The following KRT25 variants were observed in gnomAD, a reference collection of about 807,000 sequenced individuals.
KRT25 encodes keratin, type I cytoskeletal 25.
KRT25 carries 37 observed loss-of-function variants against 47.6 expected under a neutral mutation model. The observed-to-expected ratio is 0.78, with a 90% CI of 0.60 to 1.02. KRT25 has a LOEUF of 1.02. KRT25 is among the 50% of genes least tolerant of loss of function. The pLI is 0.00. For synonymous variants in KRT25, 203 were observed against 210.2 expected (o/e 0.97, Z 0.30); for missense variants, 542 against 550.3 (o/e 0.98, Z 0.15).
chr17:40,754,054 G>T (rs1339807571), intron 2 of KRT25, 38 bp from the exon 3 acceptor site: 1 of 1,597,092 alleles, frequency 6.3e-7, no homozygotes, highest in Non-Finnish European at 8.6e-7. Flanking sequence ...TTGTCACATG[G>T]TTGGAGACAT....
chr17:40,751,059 C>T lies in KRT25; in HGVS notation c.852G>A (p.Gln284=). The T allele has an allele frequency of 6.2e-7, 1 of 1,614,180 alleles. No individual in the cohort carries two copies. Among genetic ancestry groups the T allele is most frequent in the Non-Finnish European group, 8.5e-7 (1 of 1,180,030 alleles). The change falls in exon 5 of 8, where the codon CAG becomes CAA. Residue 284 remains glutamine, a synonymous_variant. Coordinates refer to ENST00000312150, the MANE Select transcript of KRT25 (RefSeq NM_181534.4). ...FNEKSASLQQ[Q]ISEDVGATTS... is the part of the protein sequence containing the mutation. ...TTGTGGCTCCGACATCCTCAGAGAT[C>T]TGCTGCTGCAGGGAGGCGCTCTGAA...
chr17:40,749,355 T>C, intron 6 of KRT25, 30 bp from the exon 7 acceptor site: 1 of 1,505,486 alleles, frequency 6.6e-7, no homozygotes, highest in Non-Finnish European at 9.2e-7. Context: ...GAGGGTGATT[T>C]AGAGAGAACC....
intron 3 of KRT25, among the ~76,000 whole-genome samples, chr17:40,751,861 T>TATGTGTGTGTGTGTGTGCGTGC (rs2038051563): frequency 2.5e-5 from 2 of 81,092 alleles, no homozygotes; most frequent in Non-Finnish European, 5.3e-5. Context: ...TAAATGTATG[T>TATGTGTGTGTGTGTGTGCGTGC]GTGTGTGTGT....
In KRT25 at chr17:40,748,190, C is replaced by A. The variant is rs2038013386; in HGVS notation, c.*87G>T. The A allele has an allele frequency of 8.7e-6, 7 of 800,282 alleles. No homozygotes were observed. Among genetic ancestry groups the A allele is most frequent in the African/African-American group, 3.6e-5 (2 of 56,268 alleles). 49.6% of individuals were successfully genotyped at this position (800,282 alleles called of 1,614,324 possible). On this transcript the variant is annotated 3_prime_UTR_variant, in exon 8 of 8. Coordinates refer to ENST00000312150, the MANE Select transcript of KRT25 (RefSeq NM_181534.4). ...GAAAGACAACAGGTTAGACATTTTT[C>A]TTAGACATGCACATTTTTCTGGACA...
intron 6 of KRT25, 89 bp from the exon 7 acceptor site, chr17:40,749,414 T>G: frequency 1.1e-6 from 1 of 933,406 alleles, no homozygotes; most frequent in Non-Finnish European, 1.7e-6. Context: ...CTTTGGTAGT[T>G]TCAACTGTGT....
rs779490970 is a variant in KRT25 at position 40,753,951 on chromosome 17, A to C, written c.578T>G (p.Leu193Trp). The C allele has an allele frequency of 2.5e-6, 4 of 1,614,024 alleles. No individual in the cohort carries two copies. In the Admixed American group the frequency reaches 6.7e-5, roughly 27 times the overall value. ...TGTTCTGCACAGGGTTATTTCATCC[A>C]AAACTCTTCGTAACCCATTGACATC... ...EADVNGLRRV[L>W]DEITLCRTDL... The change falls in exon 3 of 8, where the codon TTG becomes TGG. Residue 193 changes from leucine (L) to tryptophan (W), a missense_variant. Transcript: ENST00000312150.
rs545230672 is a variant in KRT25 at position 40,753,417 on chromosome 17, C to T, written c.669+443G>A. Among the ~76,000 whole-genome samples the T allele has an allele frequency of 9.9e-4, 151 of 151,778 alleles. 4 individuals are homozygous for T. In the South Asian group the frequency reaches 0.031, roughly 32 times the overall value. On this transcript the variant is annotated intron_variant, in intron 3 of 7. Coordinates refer to ENST00000312150, the MANE Select transcript of KRT25 (RefSeq NM_181534.4). ...CTGACACTTAAAAAGACAGCTCAGG[C>T]CGGGTGCGGTGGCTCACGCCTGTAA...
chr17:40,748,317 G>A lies in KRT25; in HGVS notation c.1313C>T (p.Thr438Ile). The A allele has an allele frequency of 1.2e-6, 2 of 1,612,786 alleles. No individual in the cohort carries two copies. The highest frequency in any genetic ancestry group is 1.7e-6 in the Non-Finnish European group (2 of 1,179,416). ...EVDQRSKILT[T>I]RLHSLEEKSQ... Reference sequence around the variant, plus strand: ...TTTCTCTTCCAGGGAGTGGAGCCTGGTGGTAAGTATTTTGCTGCGTTGGTC... The same window carrying A: ...TTTCTCTTCCAGGGAGTGGAGCCTGATGGTAAGTATTTTGCTGCGTTGGTC... Residue 438 changes from threonine to isoleucine, a missense_variant, in exon 8 of 8, where the codon ACC becomes ATC. By Grantham distance (89) the Thr-to-Ile change is moderately conservative. Transcript: ENST00000312150.
At chr17:40,755,353 CTT>C, upstream of KRT25, 8 of 1,351,994 alleles carry the variant, frequency 5.9e-6, 1 homozygote, top group South Asian at 1.0e-4. Context: ...TTTGGTTTGC[CTT>C]TTTATAGGCA....
chr17:40,750,643 G>A, intron 5 of KRT25, 46 bp from the exon 6 acceptor site: 1 of 1,605,584 alleles, frequency 6.2e-7, no homozygotes, highest in African/African-American at 1.3e-5. Context: ...ATGCAGATAT[G>A]CAGGGATTTC....
chr17:40,750,924 G>C, intron 5 of KRT25, 30 bp downstream of exon 5: 1 of 1,611,434 alleles, frequency 6.2e-7, no homozygotes, highest in Non-Finnish European at 8.5e-7. Context: ...TGACCTGGGA[G>C]ATGGTGAAAA....
In KRT25 at chr17:40,750,520, G is replaced by C; in HGVS notation, c.1035C>G (p.Ile345Met). Residue 345 changes from isoleucine (I) to methionine (M), a missense_variant, in exon 6 of 8, where the codon ATC becomes ATG. Coordinates refer to ENST00000312150, the MANE Select transcript of KRT25 (RefSeq NM_181534.4). ...CAQLAQIQAQ[I>M]GALEEQLHQV... ...GGTGCAGCTGCTCCTCCAGGGCCCC[G>C]ATCTGAGCCTGGATCTGCGCCAGCT... 2 of 1,614,170 alleles carry C rather than the reference G, an allele frequency of 1.2e-6. No individual in the cohort carries two copies. The highest frequency in any genetic ancestry group is 1.7e-6 in the Non-Finnish European group (2 of 1,180,026).
chr17:40,749,118 G>T, intron 7 of KRT25, 140 bp downstream of exon 7: 1 of 659,882 alleles, frequency 1.5e-6, no homozygotes, highest in African/African-American at 1.8e-5. Flanking sequence ...CTTAATTCCT[G>T]GATGATCAAA....
chr17:40,749,196 A>G, intron 7 of KRT25, 62 bp downstream of exon 7: 1 of 1,277,270 alleles, frequency 7.8e-7, no homozygotes. Flanking sequence ...GTACCCCCAA[A>G]CCTAAATTAA....
intron 7 of KRT25, among the ~76,000 whole-genome samples, chr17:40,748,968 A>C (rs1019697338): frequency 6.6e-6 from 1 of 152,128 alleles, no homozygotes; most frequent in Non-Finnish European, 1.5e-5. Flanking sequence ...ACCAAACACC[A>C]CATGTTCTCA....
chr17:40,752,870 T>C (rs767002765), intron 3 of KRT25, among the ~76,000 whole-genome samples: 1 of 152,224 alleles, frequency 6.6e-6, no homozygotes, highest in Non-Finnish European at 1.5e-5. Context: ...TTTGGCTATT[T>C]AAAATATCAA....
intron 7 of KRT25, 22 bp from the exon 8 acceptor site, chr17:40,748,408 G>A: frequency 7.1e-7 from 1 of 1,413,584 alleles, no homozygotes. Flanking sequence ...AAATTAAAAG[G>A]AGATTTTATG....
chr17:40,750,311 G>A, intron 6 of KRT25, 69 bp downstream of exon 6: 1 of 1,498,894 alleles, frequency 6.7e-7, no homozygotes, highest in South Asian at 1.1e-5. Context: ...GCTTTCCAGT[G>A]GAAAGTGGGA....
At chr17:40,752,406 C>T in intron 3 of KRT25, among the ~76,000 whole-genome samples, 1 of 152,140 alleles carries the variant, frequency 6.6e-6, no homozygotes. Context: ...AAACTCTCCT[C>T]CCCATTCATG....
Sources: allele counts gnomAD v4.1 joint callset (sites outside exome capture counted in the v4.1 genomes callset), GRCh38; gene constraint gnomAD v4.1.1; transcripts MANE v1.5; gene names NCBI Gene and HGNC (gene_info 2026-07-23, HGNC 2026-07-21).